ACOT1: variants seen among roughly 807,000 people sequenced by gnomAD.
ACOT1 encodes acyl-coenzyme A thioesterase 1.
Under a neutral mutation model 15.7 loss-of-function variants are expected in ACOT1, and 8 were observed. That is an observed-to-expected ratio of 0.51 (90% confidence interval 0.30 to 0.92). ACOT1 has a LOEUF of 0.92. Among genes scored for constraint, ACOT1 ranks in the 40% least tolerant of loss-of-function variants. The probability of loss-of-function intolerance (pLI) is 0.06; values close to 1 mark genes in which losing one functional copy is unlikely to be tolerated. For missense variants in ACOT1, 151 were observed against 539.4 expected (o/e 0.28, Z 7.13); for synonymous variants, 67 against 241.2 (o/e 0.28, Z 6.69).
the ACOT1 span, chr14:73,492,577 A>T: frequency 6.2e-7 from 1 of 1,613,920 alleles, no homozygotes; most frequent in South Asian, 1.1e-5. The surrounding 1 kb of genome is among the most constrained non-coding windows in gnomAD (Gnocchi z 4.9). Flanking sequence ...GGGAGAGGGC[A>T]CTAAGTGTTT....
the ACOT1 span, chr14:73,518,997 GCC>G: frequency 6.2e-7 from 1 of 1,601,130 alleles, no homozygotes; most frequent in Non-Finnish European, 8.5e-7. Context: ...ATTAACCCCT[GCC>G]TTCCCTGTTA....
the ACOT1 span, among the ~76,000 whole-genome samples, chr14:73,500,252 A>C: frequency 5.3e-5 from 8 of 151,654 alleles, no homozygotes. Flanking sequence ...CAAACAAACA[A>C]AAAAACCATG....
chr14:73,491,161 C>T, the ACOT1 span: 2 of 1,605,408 alleles, frequency 1.2e-6, no homozygotes, highest in Non-Finnish European at 1.7e-6. Context: ...GTGTTGTATC[C>T]CGCATGGCAG....
Position 73,537,581 on chromosome 14 carries a change from G to T in ACOT1, c.160G>T (p.Ala54Ser). The change falls in exon 1 of 3, where the codon GCC (alanine) becomes TCC (serine). Residue 54 changes from alanine (A) to serine (S), a missense_variant. Ala to Ser is a moderately conservative substitution (Grantham distance 99). Coordinates refer to ENST00000311148, the MANE Select transcript of ACOT1 (RefSeq NM_001037161.2). ...ALFQAHARYR[A>S]DTLGELDLER... The stretch of plus-strand genomic sequence containing the variant: ...TTTCCAGGCCCACGCGCGCTACCGC[G>T]CCGACACCCTTGGCGAGCTGGACCT... 1 of 1,219,592 alleles carries T rather than the reference G, an allele frequency of 8.2e-7. No individual in the cohort carries two copies. Among genetic ancestry groups the T allele is most frequent in the Non-Finnish European group, 1.1e-6 (1 of 928,298 alleles). The allele number at this position is 1,219,592 out of a possible 1,614,324, so 75.5% of individuals were successfully genotyped here.
chr14:73,504,216 TA>T, the ACOT1 span, among the ~76,000 whole-genome samples: 1 of 151,790 alleles, frequency 6.6e-6, no homozygotes, highest in Non-Finnish European at 1.5e-5. Context: ...TAGCTGGGAT[TA>T]TGGGCATGTG....
the ACOT1 span, among the ~76,000 whole-genome samples, chr14:73,514,781 A>G: frequency 7.9e-5 from 12 of 152,334 alleles, no homozygotes; most frequent in African/African-American, 2.2e-4. Context: ...TAGAAAAGCT[A>G]TAGTTGGCCG....
At chr14:73,510,560 C>T in the ACOT1 span, among the ~76,000 whole-genome samples, 2 of 152,008 alleles carry the variant, frequency 1.3e-5, no homozygotes, top group African/African-American at 2.4e-5. Context: ...CTCAGCCTTC[C>T]GAGTATCTGG....
the ACOT1 span, chr14:73,500,796 C>A: frequency 6.9e-7 from 1 of 1,446,880 alleles, no homozygotes; most frequent in South Asian, 1.2e-5. Flanking sequence ...CCAACCCCCA[C>A]TAATGCCCTC....
chr14:73,539,953 G>A (rs1398430611), intron 1 of ACOT1, among the ~76,000 whole-genome samples: 2 of 116,088 alleles, frequency 1.7e-5, no homozygotes, highest in African/African-American at 5.6e-5. Flanking sequence ...GGAAATTTGA[G>A]GTTACTGGAT....
chr14:73,528,024 C>A, the ACOT1 span, among the ~76,000 whole-genome samples: 26,712 of 149,408 alleles, frequency 0.18, 3,049 homozygotes, highest in South Asian at 0.25. Context: ...TGCCCTTTAG[C>A]CTGTGACGTA....
At chr14:73,509,809 CCCATATATATATATATATATATAT>C in the ACOT1 span, among the ~76,000 whole-genome samples, 10 of 5,192 alleles carry the variant, frequency 1.9e-3, no homozygotes, top group African/African-American at 3.0e-3. Context: ...GCCCCATGAG[CCCATATATATATATATATATATAT>C]ATATATATAT....
chr14:73,534,816 T>G (rs568440990), upstream of ACOT1, among the ~76,000 whole-genome samples: 24 of 110,354 alleles, frequency 2.2e-4, 5 homozygotes, highest in African/African-American at 7.1e-4. Context: ...GCTTTTTTTT[T>G]TTTTTTTAAG....
chr14:73,501,215 T>C, the ACOT1 span, among the ~76,000 whole-genome samples: 1 of 151,588 alleles, frequency 6.6e-6, no homozygotes, highest in Non-Finnish European at 1.5e-5. Flanking sequence ...GCCTCCTGGG[T>C]TCACGCCATT....
the ACOT1 span, among the ~76,000 whole-genome samples, chr14:73,505,263 T>C: frequency 6.6e-6 from 1 of 152,140 alleles, no homozygotes; most frequent in Admixed American, 6.6e-5. Context: ...CTAATCTCTC[T>C]CTCTCTGAAA....
the ACOT1 span, chr14:73,490,977 C>G: frequency 0.72 from 951,718 of 1,315,852 alleles, 346,160 homozygotes; most frequent in East Asian, 0.88. Flanking sequence ...TTTAGCTTCG[C>G]CCCCGGCCGG....
the ACOT1 span, among the ~76,000 whole-genome samples, chr14:73,513,728 CAAAAAAAAAAA>C: frequency 7.1e-4 from 33 of 46,758 alleles, no homozygotes; most frequent in Admixed American, 1.2e-3. Flanking sequence ...ACTACGTCTC[CAAAAAAAAAAA>C]AAAAAAAAAA....
chr14:73,510,576 C>T, the ACOT1 span, among the ~76,000 whole-genome samples: 1 of 152,136 alleles, frequency 6.6e-6, no homozygotes, highest in African/African-American at 2.4e-5. Context: ...TCTGGGACTA[C>T]AGGCACCTGT....
At chr14:73,528,271 C>T in the ACOT1 span, among the ~76,000 whole-genome samples, 1 of 150,724 alleles carries the variant, frequency 6.6e-6, no homozygotes, top group Non-Finnish European at 1.5e-5. Context: ...GGTGGGCATC[C>T]GTAATCCCAG....
the ACOT1 span, chr14:73,520,788 C>T: frequency 6.9e-7 from 1 of 1,450,878 alleles, no homozygotes; most frequent in Non-Finnish European, 9.5e-7. Context: ...CAGCCCCCAG[C>T]AATCTTCCAC....
Sources: allele counts gnomAD v4.1 joint callset (sites outside exome capture counted in the v4.1 genomes callset), GRCh38; gene constraint gnomAD v4.1.1; non-coding constraint Gnocchi (gnomAD v3.1); transcripts MANE v1.5; gene names NCBI Gene and HGNC (gene_info 2026-07-23, HGNC 2026-07-21).